SNTG1: variants seen among roughly 807,000 people sequenced by gnomAD.
SNTG1 encodes the protein syntrophin gamma 1.
Under a neutral mutation model 74.7 loss-of-function variants are expected in SNTG1, and 39 were observed. The observed-to-expected ratio is 0.52, with a 90% CI of 0.40 to 0.68. The LOEUF (loss-of-function observed/expected upper bound fraction) is 0.68. SNTG1 is among the 30% of genes least tolerant of loss of function. The pLI is 0.00. For synonymous variants in SNTG1, 254 were observed against 217.1 expected (o/e 1.17, Z -1.49); for missense variants, 685 against 609.5 (o/e 1.12, Z -1.30).
At position 50,760,659 on chromosome 8, in the gene SNTG1, C is replaced by A. The variant is rs184791413; in HGVS notation, c.1395+8548C>A. Among the ~76,000 whole-genome samples the A allele has an allele frequency of 3.8e-3, 572 of 151,702 alleles. 1 individual carries two copies. The highest frequency in any genetic ancestry group is 0.013 in the African/African-American group (553 of 41,394). ...AATAAAGAAGTAAAGAGAGAAGAAT[C>A]AAATAGACACAAAAAAAATGATAAA... On this transcript the variant is annotated intron_variant, in intron 18 of 18. Transcript: ENST00000642720.
chr8:50,358,782 C>T (rs1299469913), intron 2 of SNTG1, among the ~76,000 whole-genome samples: 1 of 152,122 alleles, frequency 6.6e-6, no homozygotes, highest in Admixed American at 6.5e-5. Flanking sequence ...AGAAAAATTA[C>T]CACTTTCAAT....
chr8:49,986,027 A>C (rs955375521), intron 1 of SNTG1, among the ~76,000 whole-genome samples: 5 of 152,198 alleles, frequency 3.3e-5, no homozygotes, highest in Non-Finnish European at 5.9e-5. Flanking sequence ...CTACAAATAA[A>C]AGAATTAGGT....
chr8:50,345,394 C>A (rs2091441979), intron 2 of SNTG1, among the ~76,000 whole-genome samples: 1 of 152,116 alleles, frequency 6.6e-6, no homozygotes, highest in Non-Finnish European at 1.5e-5. Context: ...CTGGCTCTGC[C>A]CTCTAGGATC....
At chr8:50,492,008 A>T (rs1432880720) in intron 8 of SNTG1, among the ~76,000 whole-genome samples, 2 of 148,428 alleles carry the variant, frequency 1.3e-5, no homozygotes, top group African/African-American at 2.5e-5. Flanking sequence ...TTCCTCTGTT[A>T]CTTTGCTGAG....
chr8:50,251,168 A>G (rs1032755882), intron 2 of SNTG1, among the ~76,000 whole-genome samples: 1 of 152,110 alleles, frequency 6.6e-6, no homozygotes, highest in African/African-American at 2.4e-5. Context: ...CTATACCTAT[A>G]AGACTTTTCA....
intron 4 of SNTG1, among the ~76,000 whole-genome samples, chr8:50,404,547 T>A (rs947262777): frequency 6.6e-6 from 1 of 152,094 alleles, no homozygotes; most frequent in Non-Finnish European, 1.5e-5. Context: ...AATGTAATGC[T>A]GTAATAAATT....
intron 2 of SNTG1, among the ~76,000 whole-genome samples, chr8:50,371,925 A>C (rs923102939): frequency 1.4e-4 from 22 of 152,170 alleles, no homozygotes; most frequent in African/African-American, 5.3e-4. Context: ...ATATCAAAAA[A>C]TAAATCTCCT....
At chr8:50,714,082 G>T (rs1387547821) in intron 17 of SNTG1, among the ~76,000 whole-genome samples, 1 of 151,496 alleles carries the variant, frequency 6.6e-6, no homozygotes, top group African/African-American at 2.4e-5. Flanking sequence ...AAAAAAGGTG[G>T]GGGGAGGGAA....
At chr8:50,090,954 G>A (rs915171440) in intron 1 of SNTG1, among the ~76,000 whole-genome samples, 20 of 152,058 alleles carry the variant, frequency 1.3e-4, no homozygotes, top group Non-Finnish European at 2.2e-4. Flanking sequence ...GAAAGGACTA[G>A]TTTACTACTT....
At chr8:50,671,529 A>G (rs1477385701) in intron 15 of SNTG1, among the ~76,000 whole-genome samples, 2 of 152,284 alleles carry the variant, frequency 1.3e-5, no homozygotes, top group East Asian at 3.9e-4. Flanking sequence ...GCGATCATTA[A>G]AAAGTCAGGA....
chr8:50,766,334 T>C (rs1178722389), intron 18 of SNTG1, among the ~76,000 whole-genome samples: 1 of 152,054 alleles, frequency 6.6e-6, no homozygotes, highest in East Asian at 1.9e-4. Context: ...TAAGATGGTT[T>C]CTTACAGTAT....
chr8:50,539,231 C>A (rs1457478606), intron 11 of SNTG1, among the ~76,000 whole-genome samples: 1 of 152,090 alleles, frequency 6.6e-6, no homozygotes, highest in Non-Finnish European at 1.5e-5. Context: ...AGTGATTTAA[C>A]AAAATCATCC....
intron 1 of SNTG1, among the ~76,000 whole-genome samples, chr8:50,162,246 T>C (rs897741388): frequency 6.6e-6 from 1 of 151,878 alleles, no homozygotes; most frequent in Non-Finnish European, 1.5e-5. Context: ...CTGCCCAGAG[T>C]GAACCCTGCG....
At chr8:50,344,433 C>T (rs1281949458) in intron 2 of SNTG1, among the ~76,000 whole-genome samples, 1 of 152,100 alleles carries the variant, frequency 6.6e-6, no homozygotes, top group Non-Finnish European at 1.5e-5. Flanking sequence ...ACATCTGCCT[C>T]ACTGTTTTTC....
intron 2 of SNTG1, among the ~76,000 whole-genome samples, chr8:50,375,201 G>T (rs1470493228): frequency 6.6e-6 from 1 of 152,070 alleles, no homozygotes; most frequent in South Asian, 2.1e-4. Context: ...TGAGATGTTT[G>T]CATTACTGAC....
At chr8:50,077,418 TTC>T (rs1821990973) in intron 1 of SNTG1, among the ~76,000 whole-genome samples, 1 of 152,202 alleles carries the variant, frequency 6.6e-6, no homozygotes, top group African/African-American at 2.4e-5. Context: ...CAATAATTTT[TTC>T]TGTTTTTCTC....
At chr8:50,566,784 G>T (rs369858986) in intron 12 of SNTG1, among the ~76,000 whole-genome samples, 17 of 152,040 alleles carry the variant, frequency 1.1e-4, no homozygotes, top group East Asian at 7.8e-4. Flanking sequence ...TATCAAACTT[G>T]GGAACTTGGG....
In SNTG1 at chr8:50,402,254, T is replaced by A. The variant is rs945257242; in HGVS notation, c.72T>A (p.Pro24=). The A allele has an allele frequency of 6.2e-7, 1 of 1,612,868 alleles. No individual in the cohort carries two copies. The part of the protein sequence containing the change: ...ICLLQDGNQE[P]FKVRLHLAKD... The stretch of plus-strand genomic sequence containing the variant: ...TGCTGCAGGATGGTAACCAGGAGCC[T>A]TTCAAAGTGCGGCTGCACCTAGCCA... Residue 24 remains proline, a synonymous_variant, in exon 4 of 19, where the codon CCT becomes CCA. Coordinates refer to ENST00000642720, the MANE Select transcript of SNTG1 (RefSeq NM_018967.5).
intron 8 of SNTG1, among the ~76,000 whole-genome samples, chr8:50,484,931 T>A (rs1034022783): frequency 5.3e-5 from 8 of 152,138 alleles, no homozygotes; most frequent in Non-Finnish European, 1.2e-4. Flanking sequence ...AAATATGTCT[T>A]GTCTGCCCAT....
Sources: gnomAD v4.1 joint callset for allele counts (sites outside exome capture counted in the v4.1 genomes callset) on GRCh38, gnomAD v4.1.1 for gene constraint, MANE v1.5 for transcripts, NCBI Gene and HGNC (gene_info 2026-07-23, HGNC 2026-07-21) for gene names.